Variants in EP400 observed in about 807,000 individuals in gnomAD.
EP400 encodes E1A-binding protein p400.
In EP400, 105 loss-of-function variants were observed where a neutral mutation model predicts 354.1. The ratio of observed to expected loss-of-function variants is 0.30; its 90% CI spans 0.25 to 0.35. EP400 has a LOEUF of 0.35. Among genes scored for constraint, EP400 ranks in the 10% least tolerant of loss-of-function variants. EP400 has a pLI of 1.00. For missense variants in EP400, 3,280 were observed against 4,121.0 expected (o/e 0.80, Z 5.59); for synonymous variants, 1,646 against 1,716.9 (o/e 0.96, Z 1.02).
intron 51 of EP400, among the ~76,000 whole-genome samples, chr12:132,073,266 G>T: frequency 7.2e-6 from 1 of 138,538 alleles, no homozygotes; most frequent in African/African-American, 2.7e-5. Context: ...CCCTCTGCCA[G>T]TGAAAAATTA....
rs1409998287 is a variant in EP400, at chr12:131,994,884, A to T, written c.2755A>T (p.Thr919Ser). The T allele has an allele frequency of 6.2e-7, 1 of 1,613,980 alleles. No homozygotes were observed. The highest frequency in any genetic ancestry group is 1.3e-5 in the African/African-American group (1 of 74,940). The part of the protein sequence containing the change: ...TDDEVDDEEE[T>S]IEEEEANEGV... ...CATTTTAGTGGACGATGAAGAGGAAACAATTGAAGAGGAGGAAGCAAATGA... is the reference window on the plus strand; with the variant it reads ...CATTTTAGTGGACGATGAAGAGGAATCAATTGAAGAGGAGGAAGCAAATGA... The change falls in exon 12 of 53, where the codon ACA becomes TCA. Residue 919 changes from threonine to serine, a missense_variant. Thr to Ser is a moderately conservative substitution (Grantham distance 58). Around this residue, in one of 20 missense-constraint regions of EP400, gnomAD observed 800 missense variants for 840.0 expected, o/e 0.95. Transcript: ENST00000389561. This position sits in a 1 kb window ranked among gnomAD's most constrained non-coding sequence, Gnocchi z 4.6.
chr12:132,035,580 C>T (rs575742196), intron 30 of EP400, among the ~76,000 whole-genome samples: 231 of 151,668 alleles, frequency 1.5e-3, no homozygotes, highest in Admixed American at 2.8e-3. Flanking sequence ...TCACACGGAA[C>T]GTCATGGAAG....
In EP400 at chr12:132,039,804, C is replaced by T. The variant is rs116122502; in HGVS notation, c.6207+1708C>T. ...CTGTAATCCCAGTACTTTGGGAAGCCGAGGCTGGAGGATGGCTTGAGGCCA... is the reference window on the plus strand; with the variant it reads ...CTGTAATCCCAGTACTTTGGGAAGCTGAGGCTGGAGGATGGCTTGAGGCCA... On this transcript the variant is annotated intron_variant, in intron 32 of 52. Transcript: ENST00000389561. Among the ~76,000 whole-genome samples, 445 of 152,268 alleles carry T rather than the reference C, an allele frequency of 2.9e-3. 4 individuals are homozygous for T. Among genetic ancestry groups the T allele is most frequent in the African/African-American group, 0.01 (430 of 41,540 alleles).
Position 132,075,948 on chromosome 12 carries a change from G to A in EP400, c.9022-568G>A, listed in dbSNP as rs1294917868. The A allele has an allele frequency of 5.3e-6, 1 of 188,458 alleles. No homozygotes were observed. Among genetic ancestry groups the A allele is most frequent in the Non-Finnish European group, 1.1e-5 (1 of 88,970 alleles). 11.7% of individuals were successfully genotyped at this position (188,458 alleles called of 1,614,324 possible). ...CTCTTACTACGTCAAGACAGCGGGA[G>A]ATGCATGCAGTAGCAAGTGCACAGA... On this transcript the variant is annotated intron_variant, in intron 51 of 52. Coordinates refer to ENST00000389561, the MANE Select transcript of EP400 (RefSeq NM_015409.5). This position sits in a 1 kb window ranked among gnomAD's most constrained non-coding sequence, Gnocchi z 4.5.
chr12:132,021,518 G>A (rs1299271978), intron 23 of EP400, among the ~76,000 whole-genome samples, 197 bp downstream of exon 23: 5 of 152,240 alleles, frequency 3.3e-5, no homozygotes, highest in Admixed American at 6.5e-5. Flanking sequence ...GGCCACATCC[G>A]GCCTTCTCCT....
At position 131,994,692 on chromosome 12, in the gene EP400, A is replaced by C. The variant is rs758155879; in HGVS notation, c.2738-175A>C. On this transcript the variant is annotated intron_variant, in intron 11 of 52. Coordinates refer to ENST00000389561, the MANE Select transcript of EP400 (RefSeq NM_015409.5). The surrounding 1 kb of genome is among the most constrained non-coding windows in gnomAD (Gnocchi z 4.6). ...ATTCACAGCCTGAAGTGGAAGGGGA[A>C]ATACACTTCCAGTTTCCTGCCCATT... 6.6e-6 allele frequency among the ~76,000 whole-genome samples: 1 copy of C among 152,172 alleles called. No homozygotes were observed. Among genetic ancestry groups the C allele is most frequent in the South Asian group, 2.1e-4 (1 of 4,824 alleles).
At chr12:132,032,610 A>C (rs1170643428) in intron 30 of EP400, among the ~76,000 whole-genome samples, 1 of 152,120 alleles carries the variant, frequency 6.6e-6, no homozygotes, top group Non-Finnish European at 1.5e-5. Context: ...AAAAGAAGAG[A>C]AAAGAGAATT....
chr12:131,969,982 G>T (rs1465531989), intron 2 of EP400, among the ~76,000 whole-genome samples: 1 of 152,192 alleles, frequency 6.6e-6, no homozygotes, highest in Non-Finnish European at 1.5e-5. Context: ...TCGGGAGGCA[G>T]AGGTTGCAGT....
intron 1 of EP400, among the ~76,000 whole-genome samples, chr12:131,957,029 G>A (rs1024474138): frequency 6.6e-6 from 1 of 151,796 alleles, no homozygotes; most frequent in African/African-American, 2.4e-5. Context: ...GTGCCACCAC[G>A]CCCGGCTAAT....
intron 7 of EP400, 93 bp downstream of exon 7, chr12:131,987,983 CTTTTTTTTTTTTTTTT>C (rs778740521): frequency 4.1e-5 from 11 of 268,744 alleles, no homozygotes; most frequent in South Asian, 2.3e-4. Context: ...TCCAGACCCA[CTTTTTTTTTTTTTTTT>C]TTTTTTTTTC....
At position 131,990,167 on chromosome 12, in the gene EP400, C is replaced by T. The variant is rs1407961482; in HGVS notation, c.2550+63C>T. 1.3e-6 allele frequency: 2 copies of T among 1,542,732 alleles called. No homozygotes were observed. Among genetic ancestry groups the T allele is most frequent in the African/African-American group, 1.4e-5 (1 of 71,904 alleles). ...TCTGTCGGAGCTGGTGAGGCCACTT[C>T]CCGAGACCAGAGCTCGGGCACCTTG... On this transcript the variant is annotated intron_variant, in intron 8 of 52. Coordinates refer to ENST00000389561, the MANE Select transcript of EP400 (RefSeq NM_015409.5). The surrounding 1 kb of genome is among the most constrained non-coding windows in gnomAD (Gnocchi z 4.2).
chr12:131,982,790 C>T (rs1241773747), intron 5 of EP400, among the ~76,000 whole-genome samples: 6 of 151,936 alleles, frequency 3.9e-5, no homozygotes, highest in East Asian at 1.9e-4. Context: ...GCCAACATGG[C>T]GAAACCCTGT....
intron 9 of EP400, among the ~76,000 whole-genome samples, chr12:131,991,195 C>CATTATTGATGTGTT (rs1220678756): frequency 6.6e-6 from 1 of 152,140 alleles, no homozygotes; most frequent in Non-Finnish European, 1.5e-5. Context: ...TGATGAGGAA[C>CATTATTGATGTGTT]CCGAGGCTGA....
chr12:132,071,187 T>TA, intron 51 of EP400, among the ~76,000 whole-genome samples: 1 of 152,314 alleles, frequency 6.6e-6, no homozygotes, highest in South Asian at 2.1e-4. Context: ...TCCTCTTTGT[T>TA]ACGGTGCTTT....
intron 4 of EP400, 42 bp downstream of exon 4, chr12:131,981,638 G>GC: frequency 6.6e-7 from 1 of 1,520,924 alleles, no homozygotes; most frequent in Non-Finnish European, 9.0e-7. Flanking sequence ...TCAGGAGCAG[G>GC]CAGCACACTG....
chr12:132,001,322 G>C (rs1358221880), intron 12 of EP400, among the ~76,000 whole-genome samples: 1 of 152,194 alleles, frequency 6.6e-6, no homozygotes, highest in Admixed American at 6.5e-5. Flanking sequence ...TGGACAGGGG[G>C]CCCTCCCCTG....
chr12:132,062,614 G>A lies in EP400; in HGVS notation c.8247G>A (p.Thr2749=), dbSNP rs760099952. ...QQQQQQQQQQ[T]TTTSQVQVPQ... ...AGCAACAGCAGCAGCAGCAACAGACGACGACGACCTCTCAGGTGCAAGTTC... is the reference window on the plus strand; with the variant it reads ...AGCAACAGCAGCAGCAGCAACAGACAACGACGACCTCTCAGGTGCAAGTTC... Residue 2749 remains threonine, a synonymous_variant, in exon 47 of 53, where the codon ACG becomes ACA. Coordinates refer to ENST00000389561, the MANE Select transcript of EP400 (RefSeq NM_015409.5). The A allele has an allele frequency of 5.6e-6, 9 of 1,613,818 alleles. No individual in the cohort carries two copies. Among genetic ancestry groups the A allele is most frequent in the South Asian group, 3.3e-5 (3 of 91,078 alleles).
At chr12:131,958,254 T>TC (rs751229557) in intron 1 of EP400, among the ~76,000 whole-genome samples, 32 of 152,164 alleles carry the variant, frequency 2.1e-4, no homozygotes, top group Middle Eastern at 3.4e-3. Context: ...GGAGCTCCTG[T>TC]CCCCTGCACC....
At chr12:131,954,684 C>T (rs1384929385) in intron 1 of EP400, among the ~76,000 whole-genome samples, 1 of 131,260 alleles carries the variant, frequency 7.6e-6, no homozygotes, top group Non-Finnish European at 1.5e-5. Context: ...GAAATCACGC[C>T]AGTGCACTCC....
Sources: gnomAD v4.1 joint callset for allele counts (sites outside exome capture counted in the v4.1 genomes callset) on GRCh38, gnomAD v4.1.1 for gene constraint, gnomAD v4.1.1 regional missense constraint, Gnocchi (gnomAD v3.1) non-coding constraint, MANE v1.5 for transcripts, NCBI Gene and HGNC (gene_info 2026-07-23, HGNC 2026-07-21) for gene names.